The following SNTG1 variants were observed in gnomAD, a reference collection of about 807,000 sequenced individuals.
The protein encoded by SNTG1 is syntrophin gamma 1.
A neutral mutation model predicts 74.7 loss-of-function variants in SNTG1; 39 were observed. That is an observed-to-expected ratio of 0.52 (90% confidence interval 0.40 to 0.68). The LOEUF is 0.68. Among genes scored for constraint, SNTG1 ranks in the 30% least tolerant of loss-of-function variants. The probability of loss-of-function intolerance (pLI) is 0.00; values close to 1 mark genes in which losing one functional copy is unlikely to be tolerated. For missense variants in SNTG1, 685 were observed against 609.5 expected (o/e 1.12, Z -1.30); for synonymous variants, 254 against 217.1 (o/e 1.17, Z -1.49).
intron 1 of SNTG1, among the ~76,000 whole-genome samples, chr8:50,159,093 G>C (rs1003632753): frequency 1.1e-4 from 16 of 151,664 alleles, no homozygotes; most frequent in Non-Finnish European, 1.9e-4. Flanking sequence ...CGGCCGTTTG[G>C]GTTTTTTCTC....
At chr8:50,537,839 A>T (rs2130420209) in intron 11 of SNTG1, among the ~76,000 whole-genome samples, 1 of 152,328 alleles carries the variant, frequency 6.6e-6, no homozygotes, top group South Asian at 2.1e-4. Flanking sequence ...ATATATAAAT[A>T]AATGAGCACA....
intron 2 of SNTG1, among the ~76,000 whole-genome samples, chr8:50,191,390 T>C (rs2083570275): frequency 6.6e-6 from 1 of 152,266 alleles, no homozygotes; most frequent in South Asian, 2.1e-4. Flanking sequence ...GTTATCAGCA[T>C]AGGATGCTCT....
intron 8 of SNTG1, among the ~76,000 whole-genome samples, chr8:50,461,567 A>G (rs1414848187): frequency 6.6e-6 from 1 of 152,014 alleles, no homozygotes; most frequent in Admixed American, 6.6e-5. Context: ...GGATGCATAT[A>G]TATTTATTTT....
rs373831870 is a variant in SNTG1, at chr8:50,436,926, A to T, written c.163-1617A>T. ...TAAATTCTAAAATATATCTTCCCGT[A>T]TTTGTGGTTGCATTCCTGGGGTAAT... is the stretch of plus-strand genomic sequence containing the variant. On this transcript the variant is annotated intron_variant, in intron 4 of 18. Transcript: ENST00000642720. Among the ~76,000 whole-genome samples the T allele has an allele frequency of 3.9e-5, 6 of 152,088 alleles. No individual in the cohort carries two copies. In the East Asian group the frequency reaches 1.2e-3, roughly 29 times the overall value.
At chr8:49,954,076 T>C (rs1809956553) in intron 1 of SNTG1, among the ~76,000 whole-genome samples, 1 of 152,218 alleles carries the variant, frequency 6.6e-6, no homozygotes, top group Non-Finnish European at 1.5e-5. Context: ...AAGACAAGAT[T>C]AGCACCGTTA....
At chr8:50,621,331 G>A (rs35886233) in intron 13 of SNTG1, among the ~76,000 whole-genome samples, 6,985 of 152,042 alleles carry the variant, frequency 0.046, 200 homozygotes, top group Admixed American at 0.082. Flanking sequence ...CCCAAGATAC[G>A]GCCTTACAAG....
chr8:50,284,290 A>G (rs1269273392), intron 2 of SNTG1, among the ~76,000 whole-genome samples: 1 of 150,378 alleles, frequency 6.6e-6, no homozygotes, highest in Non-Finnish European at 1.5e-5. Flanking sequence ...GATTGAGATT[A>G]TAGATTTTTC....
At chr8:50,307,892 G>A (rs1312842051) in intron 2 of SNTG1, among the ~76,000 whole-genome samples, 1 of 152,096 alleles carries the variant, frequency 6.6e-6, no homozygotes, top group Non-Finnish European at 1.5e-5. Context: ...CTGTTGCCCT[G>A]TGAATTGTTT....
chr8:50,042,846 C>T (rs1036844384), intron 1 of SNTG1, among the ~76,000 whole-genome samples: 4 of 152,134 alleles, frequency 2.6e-5, no homozygotes, highest in Admixed American at 2.0e-4. Flanking sequence ...ATCCTCCCAC[C>T]TTAGCCTCTC....
chr8:50,050,941 A>C (rs933532465), intron 1 of SNTG1, among the ~76,000 whole-genome samples: 5 of 152,102 alleles, frequency 3.3e-5, no homozygotes, highest in Admixed American at 6.6e-5. Flanking sequence ...GATGAAATCC[A>C]ACCCCTTTCA....
At chr8:50,367,505 G>A (rs186610330) in intron 2 of SNTG1, among the ~76,000 whole-genome samples, 2 of 152,028 alleles carry the variant, frequency 1.3e-5, no homozygotes, top group African/African-American at 2.4e-5. Context: ...AGAGAAATAT[G>A]TGTTTACTTA....
intron 2 of SNTG1, among the ~76,000 whole-genome samples, chr8:50,353,446 A>G (rs2091728916): frequency 6.6e-6 from 1 of 152,206 alleles, no homozygotes; most frequent in South Asian, 2.1e-4. Context: ...TACTCACTAA[A>G]ATTAGCATTG....
chr8:50,017,552 A>G (rs1412235054), intron 1 of SNTG1, among the ~76,000 whole-genome samples: 1 of 152,026 alleles, frequency 6.6e-6, no homozygotes, highest in Non-Finnish European at 1.5e-5. Context: ...AAAGACACAA[A>G]TAAGTTGAAA....
intron 8 of SNTG1, among the ~76,000 whole-genome samples, chr8:50,489,508 G>T (rs2093830730): frequency 6.6e-6 from 1 of 152,174 alleles, no homozygotes; most frequent in African/African-American, 2.4e-5. Flanking sequence ...GTTTTGATTT[G>T]CATTTCTCTA....
At chr8:50,361,552 C>G (rs372622945) in intron 2 of SNTG1, among the ~76,000 whole-genome samples, 20 of 152,090 alleles carry the variant, frequency 1.3e-4, no homozygotes, top group Admixed American at 9.2e-4. Flanking sequence ...GCTGCCCAGA[C>G]GGGACTCAAA....
chr8:49,989,541 T>C (rs1813485186), intron 1 of SNTG1, among the ~76,000 whole-genome samples: 2 of 151,962 alleles, frequency 1.3e-5, no homozygotes, highest in Admixed American at 1.3e-4. Flanking sequence ...ATAGTCAATA[T>C]AATTTTTAGC....
intron 2 of SNTG1, among the ~76,000 whole-genome samples, chr8:50,364,209 C>T (rs2092043355): frequency 6.6e-6 from 1 of 152,112 alleles, no homozygotes; most frequent in South Asian, 2.1e-4. Flanking sequence ...TCCATAGTTC[C>T]CCTGGCAAGC....
At chr8:50,175,750 C>T (rs1242398778) in intron 2 of SNTG1, among the ~76,000 whole-genome samples, 1 of 152,220 alleles carries the variant, frequency 6.6e-6, no homozygotes, top group Non-Finnish European at 1.5e-5. Context: ...CGGCTATTCT[C>T]ATCCTCAAGC....
intron 1 of SNTG1, among the ~76,000 whole-genome samples, chr8:50,094,957 C>G (rs1478514396): frequency 6.6e-6 from 1 of 152,134 alleles, no homozygotes; most frequent in Non-Finnish European, 1.5e-5. Flanking sequence ...CACATATACA[C>G]CATAGACTAT....
Sources: gnomAD v4.1 joint callset for allele counts (sites outside exome capture counted in the v4.1 genomes callset) on GRCh38, gnomAD v4.1.1 for gene constraint, MANE v1.5 for transcripts, NCBI Gene and HGNC (gene_info 2026-07-23, HGNC 2026-07-21) for gene names.